The following SLC25A12 variants were observed in gnomAD, a reference collection of about 807,000 sequenced individuals.
SLC25A12 encodes electrogenic aspartate/glutamate antiporter SLC25A12, mitochondrial.
SLC25A12 carries 32 observed loss-of-function variants against 83.3 expected under a neutral mutation model. The observed-to-expected ratio is 0.38, with a 90% CI of 0.29 to 0.52. The LOEUF (loss-of-function observed/expected upper bound fraction) is 0.52. Among genes scored for constraint, SLC25A12 ranks in the 20% least tolerant of loss-of-function variants. SLC25A12 has a pLI of 0.84. For synonymous variants in SLC25A12, 267 were observed against 291.1 expected (o/e 0.92, Z 0.84); for missense variants, 611 against 835.6 (o/e 0.73, Z 3.31).
At chr2:171,796,005 G>C (rs1228105318) in intron 13 of SLC25A12, among the ~76,000 whole-genome samples, 2 of 152,102 alleles carry the variant, frequency 1.3e-5, no homozygotes, top group Non-Finnish European at 2.9e-5. Context: ...GGAGTGCAGT[G>C]GCAGGAACAG....
At chr2:171,847,833 G>A (rs1684832388) in intron 4 of SLC25A12, among the ~76,000 whole-genome samples, 1 of 152,100 alleles carries the variant, frequency 6.6e-6, no homozygotes, top group South Asian at 2.1e-4. Context: ...AGGGAACTGG[G>A]GCTAAATACA....
In SLC25A12 at chr2:171,787,599, G is replaced by T. The variant is rs1342116730; in HGVS notation, c.1807C>A (p.Arg603=). 3 of 1,614,012 alleles carry T rather than the reference G, an allele frequency of 1.9e-6. No homozygotes were observed. Among genetic ancestry groups the T allele is most frequent in the East Asian group, 2.2e-5 (1 of 44,884 alleles). Reference sequence around the variant, plus strand: ...CCTCCAAAATCAATGTAAAACCACCGCTGGAGAAGTTCATAAGTGACCAAG... The same window carrying T: ...CCTCCAAAATCAATGTAAAACCACCTCTGGAGAAGTTCATAAGTGACCAAG... ...VTLVTYELLQ[R]WFYIDFGGLK... is the part of the protein sequence containing the mutation. Residue 603 remains arginine (R), a synonymous_variant, in exon 17 of 18, where the codon CGG becomes AGG. Transcript: ENST00000422440.
chr2:171,794,598 A>AC (rs1683558861), intron 13 of SLC25A12, among the ~76,000 whole-genome samples: 2 of 151,910 alleles, frequency 1.3e-5, no homozygotes, highest in Admixed American at 6.6e-5. Context: ...GAGAAAAAAA[A>AC]AAAACGTTTA....
intron 4 of SLC25A12, chr2:171,848,214 G>A (rs1268452613): frequency 2.1e-6 from 1 of 470,942 alleles, no homozygotes; most frequent in Non-Finnish European, 4.4e-6. Context: ...CTGCCACCAT[G>A]CCTGTTCCAT....
chr2:171,796,326 C>G (rs1451030319), intron 13 of SLC25A12, among the ~76,000 whole-genome samples: 1 of 152,172 alleles, frequency 6.6e-6, no homozygotes, highest in East Asian at 1.9e-4. Flanking sequence ...TACCAAATCC[C>G]AACAACGCAC....
At chr2:171,811,524 C>A (rs901297152) in intron 11 of SLC25A12, among the ~76,000 whole-genome samples, 2 of 152,096 alleles carry the variant, frequency 1.3e-5, no homozygotes, top group Non-Finnish European at 2.9e-5. Flanking sequence ...TTGTTGCCTG[C>A]GAAGAAATTT....
At position 171,809,650 on chromosome 2, in the gene SLC25A12, C is replaced by A; in HGVS notation, c.1261G>T (p.Asp421Tyr). The A allele has an allele frequency of 6.2e-7, 1 of 1,614,096 alleles. No individual in the cohort carries two copies. The highest frequency in any genetic ancestry group is 8.5e-7 in the Non-Finnish European group (1 of 1,179,968). The change falls in exon 13 of 18, where the codon GAT becomes TAT. Residue 421 changes from aspartate (D) to tyrosine (Y), a missense_variant. Asp to Tyr is a radical substitution (Grantham distance 160). Around this residue, in one of 3 missense-constraint regions of SLC25A12, gnomAD observed 540 missense variants for 777.5 expected, o/e 0.69. Coordinates refer to ENST00000422440, the MANE Select transcript of SLC25A12 (RefSeq NM_003705.5). ...TCTGCTGGAAGTGGAACAGAGCCAT[C>A]TCTTCTGGTAAATTTGTCCCGAACA... is the stretch of plus-strand genomic sequence containing the variant. ...DFVRDKFTRR[D>Y]GSVPLPAEVL...
Position 171,810,295 on chromosome 2 carries a change from T to G in SLC25A12, c.1172-19A>C. On this transcript the variant is annotated intron_variant, in intron 11 of 17. Transcript: ENST00000422440. ...ATCAGACCTAGGTAAAGGGACAGAATCATCAGCAATATAGCTGTACCAGAC... is the reference window on the plus strand; with the variant it reads ...ATCAGACCTAGGTAAAGGGACAGAAGCATCAGCAATATAGCTGTACCAGAC... 6.2e-7 allele frequency: 1 copy of G among 1,605,774 alleles called. No individual in the cohort carries two copies. The highest frequency in any genetic ancestry group is 8.5e-7 in the Non-Finnish European group (1 of 1,172,500).
chr2:171,795,534 A>G (rs767445298), intron 13 of SLC25A12, among the ~76,000 whole-genome samples: 1 of 152,226 alleles, frequency 6.6e-6, no homozygotes, highest in Non-Finnish European at 1.5e-5. Flanking sequence ...TGCAAAGACT[A>G]TCTTAAATAA....
At chr2:171,810,664 C>T (rs1009612055) in intron 11 of SLC25A12, among the ~76,000 whole-genome samples, 4 of 152,204 alleles carry the variant, frequency 2.6e-5, no homozygotes, top group Non-Finnish European at 5.9e-5. Flanking sequence ...AGATACTGTA[C>T]ACTTGGAAAA....
At chr2:171,853,458 C>T (rs1056855441) in intron 4 of SLC25A12, among the ~76,000 whole-genome samples, 1 of 151,722 alleles carries the variant, frequency 6.6e-6, no homozygotes, top group African/African-American at 2.4e-5. Context: ...GGCAGATTAC[C>T]TGAGGTCAGG....
chr2:171,789,069 T>C (rs137944905), intron 15 of SLC25A12: 3 of 152,356 alleles, frequency 2.0e-5, no homozygotes, highest in African/African-American at 7.2e-5. Context: ...TCATTGTTGA[T>C]TGGAAAGCAC....
At chr2:171,890,528 C>G (rs759142781) in intron 2 of SLC25A12, among the ~76,000 whole-genome samples, 2 of 151,826 alleles carry the variant, frequency 1.3e-5, no homozygotes, top group Admixed American at 6.6e-5. Flanking sequence ...TGTTGCCAGG[C>G]TGGAGTGCAG....
chr2:171,805,117 T>TC (rs1683797718), intron 13 of SLC25A12, among the ~76,000 whole-genome samples: 1 of 150,842 alleles, frequency 6.6e-6, no homozygotes, highest in African/African-American at 2.4e-5. Context: ...GTTTTTTGTT[T>TC]TTTTTTTTTG....
chr2:171,890,498 TG>T (rs1685908453), intron 2 of SLC25A12, among the ~76,000 whole-genome samples: 2 of 152,074 alleles, frequency 1.3e-5, no homozygotes, highest in Admixed American at 1.3e-4. Context: ...TGTGTGTGTG[TG>T]TGTAACAAGG....
intron 5 of SLC25A12, among the ~76,000 whole-genome samples, chr2:171,839,993 T>C (rs1684638160): frequency 6.6e-6 from 1 of 152,168 alleles, no homozygotes; most frequent in Non-Finnish European, 1.5e-5. Context: ...TGAACCAGCA[T>C]AGACCACACA....
intron 2 of SLC25A12, among the ~76,000 whole-genome samples, chr2:171,870,401 T>A (rs935768928): frequency 1.3e-5 from 2 of 152,120 alleles, no homozygotes; most frequent in African/African-American, 4.8e-5. Context: ...GGCGGGCAAC[T>A]GCTTGAGCCC....
At chr2:171,806,000 T>G (rs1378116545) in intron 13 of SLC25A12, among the ~76,000 whole-genome samples, 1 of 151,860 alleles carries the variant, frequency 6.6e-6, no homozygotes, top group Admixed American at 6.6e-5. Context: ...TCCCAGCTAC[T>G]GGGGAGGCTG....
chr2:171,791,385 C>T, intron 15 of SLC25A12, 66 bp downstream of exon 15: 3 of 1,312,474 alleles, frequency 2.3e-6, no homozygotes, highest in East Asian at 4.6e-5. Flanking sequence ...GGGGAAAGTA[C>T]ATAGAGATTC....
Sources: gnomAD v4.1 joint callset for allele counts (sites outside exome capture counted in the v4.1 genomes callset) on GRCh38, gnomAD v4.1.1 for gene constraint, gnomAD v4.1.1 regional missense constraint, MANE v1.5 for transcripts, NCBI Gene and HGNC (gene_info 2026-07-23, HGNC 2026-07-21) for gene names.